Variants in EPHX2 observed in about 807,000 individuals in gnomAD.
EPHX2 encodes the protein bifunctional epoxide hydrolase 2.
Under a neutral mutation model 78.7 loss-of-function variants are expected in EPHX2, and 74 were observed. The ratio of observed to expected loss-of-function variants is 0.94; its 90% CI spans 0.78 to 1.14. The LOEUF is 1.14. Ranked by LOEUF, EPHX2 falls within the 50% of genes most tolerant of loss-of-function variation. The probability of loss-of-function intolerance (pLI) is 0.00; values close to 1 mark genes in which losing one functional copy is unlikely to be tolerated. For missense variants in EPHX2, 715 were observed against 702.5 expected (o/e 1.02, Z -0.20); for synonymous variants, 251 against 255.2 (o/e 0.98, Z 0.16).
intron 6 of EPHX2, among the ~76,000 whole-genome samples, chr8:27,512,572 C>G (rs72475825): frequency 0.013 from 2,036 of 152,332 alleles, 38 homozygotes; most frequent in African/African-American, 0.046. Flanking sequence ...CTGGCTGAGA[C>G]ATCTAACTTG....
chr8:27,499,137 A>G (rs1334067239), intron 1 of EPHX2, among the ~76,000 whole-genome samples: 7 of 152,148 alleles, frequency 4.6e-5, no homozygotes, highest in African/African-American at 1.7e-4. Flanking sequence ...CAATCCCATG[A>G]TAACCCATTA....
chr8:27,500,966 G>A lies in EPHX2; in HGVS notation c.142G>A (p.Gly48Ser). 6.2e-7 allele frequency: 1 copy of A among 1,613,390 alleles called. No individual in the cohort carries two copies. The change falls in exon 2 of 19, where the codon GGT becomes AGT. Residue 48 changes from glycine to serine, a missense_variant. By Grantham distance (56) the Gly-to-Ser change is moderately conservative. Coordinates refer to ENST00000521400, the MANE Select transcript of EPHX2 (RefSeq NM_001979.6). ...NDAFQKGGPE[G>S]ATTRLMKGEI... is the part of the protein sequence containing the mutation. Reference sequence around the variant, plus strand: ...TGCTTTCCAGAAAGGGGGACCAGAGGGTGCCACTACCCGGCTTATGAAAGG... The same window carrying A: ...TGCTTTCCAGAAAGGGGGACCAGAGAGTGCCACTACCCGGCTTATGAAAGG...
chr8:27,544,082 GC>G, intron 17 of EPHX2, 103 bp from the exon 18 acceptor site: 1 of 1,349,048 alleles, frequency 7.4e-7, no homozygotes. Flanking sequence ...GGGCAGGGTG[GC>G]CTGCGGGGAG....
intron 1 of EPHX2, among the ~76,000 whole-genome samples, chr8:27,500,316 A>C (rs1327310455): frequency 6.6e-6 from 1 of 152,166 alleles, no homozygotes; most frequent in South Asian, 2.1e-4. Context: ...ACCCTCCGCC[A>C]TGATTGTGAG....
chr8:27,525,089 T>TGG (rs1814778613), intron 11 of EPHX2, among the ~76,000 whole-genome samples: 3 of 146,674 alleles, frequency 2.0e-5, no homozygotes, highest in Non-Finnish European at 3.0e-5. Flanking sequence ...TGTGTGTGTG[T>TGG]GTGTGTGTGT....
In EPHX2 at chr8:27,543,741, C is replaced by T. The variant is rs1046907595; in HGVS notation, c.1450-8C>T. On this transcript the variant is annotated splice_polypyrimidine_tract_variant and splice_region_variant and intron_variant, in intron 16 of 18. Transcript: ENST00000521400. The stretch of plus-strand genomic sequence containing the variant: ...GCTGGCCACTTCTGTTTCCTGTTCT[C>T]CCCCCAGATCCTGATTCCGGCCCTG... 1.9e-5 allele frequency: 30 copies of T among 1,613,220 alleles called. No individual in the cohort carries two copies. The East Asian group carries it at 6.7e-4, about 36-fold the overall frequency.
At chr8:27,521,582 G>C (rs1052812768) in intron 10 of EPHX2, among the ~76,000 whole-genome samples, 22 of 152,214 alleles carry the variant, frequency 1.4e-4, no homozygotes, top group African/African-American at 4.8e-4. Context: ...AGGGCGCTGT[G>C]CCTGACACGG....
chr8:27,543,950 C>A, intron 17 of EPHX2, 121 bp downstream of exon 17: 2 of 1,098,318 alleles, frequency 1.8e-6, no homozygotes, highest in Non-Finnish European at 1.3e-6. Context: ...GGTTGAAGCA[C>A]ATCATCAGTA....
intron 10 of EPHX2, among the ~76,000 whole-genome samples, chr8:27,521,781 T>C (rs568476913): frequency 6.6e-6 from 1 of 152,364 alleles, no homozygotes; most frequent in South Asian, 2.1e-4. Context: ...AGAGTGACTC[T>C]GCGGTTGCTG....
intron 17 of EPHX2, 46 bp from the exon 18 acceptor site, chr8:27,544,140 C>A (rs1158063794): frequency 6.2e-7 from 1 of 1,606,430 alleles, no homozygotes; most frequent in Non-Finnish European, 8.5e-7. Flanking sequence ...GAGACACACC[C>A]ATCTGCCTTC....
chr8:27,491,677 A>G (rs1813385185), intron 1 of EPHX2, among the ~76,000 whole-genome samples: 1 of 152,172 alleles, frequency 6.6e-6, no homozygotes, highest in Non-Finnish European at 1.5e-5. Flanking sequence ...TTGCATGCTT[A>G]CTTGTGTAAT....
At chr8:27,505,672 C>A (rs1488468394) in intron 4 of EPHX2, among the ~76,000 whole-genome samples, 3 of 152,192 alleles carry the variant, frequency 2.0e-5, no homozygotes, top group African/African-American at 7.2e-5. Flanking sequence ...TTCCAACCCC[C>A]CACCTCCCCA....
In EPHX2 at chr8:27,544,604, T is replaced by TA; in HGVS notation, c.*83dup. ...CATTCTTAGTATACAGAGGTGGCCTTACACACATCTTGCATGGATGGCAGC... is the reference window on the plus strand; with the variant it reads ...CATTCTTAGTATACAGAGGTGGCCTTAACACACATCTTGCATGGATGGCAGC... On this transcript the variant is annotated 3_prime_UTR_variant, in exon 19 of 19. Coordinates refer to ENST00000521400, the MANE Select transcript of EPHX2 (RefSeq NM_001979.6). 1.4e-6 allele frequency: 2 copies of TA among 1,415,404 alleles called. No homozygotes were observed. Among genetic ancestry groups the TA allele is most frequent in the Admixed American group, 1.7e-5 (1 of 59,376 alleles). The allele number at this position is 1,415,404 out of a possible 1,614,324, so 87.7% of individuals were successfully genotyped here. A position where few individuals can be genotyped will look rare whatever the true frequency, so the allele number is the denominator to read the frequency against.
At chr8:27,534,677 C>A (rs1000344552) in intron 12 of EPHX2, among the ~76,000 whole-genome samples, 2 of 152,146 alleles carry the variant, frequency 1.3e-5, no homozygotes, top group Non-Finnish European at 2.9e-5. Flanking sequence ...AACCTCTCAA[C>A]GTGTGCAAGC....
At chr8:27,525,917 C>T (rs908976102) in intron 12 of EPHX2, among the ~76,000 whole-genome samples, 1 of 152,164 alleles carries the variant, frequency 6.6e-6, no homozygotes, top group Non-Finnish European at 1.5e-5. Context: ...TTCAAAGATG[C>T]CCCCAGATGT....
At chr8:27,493,264 G>T (rs1182546332) in intron 1 of EPHX2, 2 of 152,762 alleles carry the variant, frequency 1.3e-5, no homozygotes, top group African/African-American at 2.4e-5. Context: ...GGTGTTGTCT[G>T]GTTTCAGAAG....
At chr8:27,504,712 G>A (rs140093278) in intron 3 of EPHX2, among the ~76,000 whole-genome samples, 174 of 152,250 alleles carry the variant, frequency 1.1e-3, no homozygotes, top group African/African-American at 4.1e-3. Context: ...GAGGAAGGAG[G>A]GTAGTTTCTC....
chr8:27,515,615 C>A (rs2132744567), intron 6 of EPHX2, 103 bp from the exon 7 acceptor site: 1 of 924,398 alleles, frequency 1.1e-6, no homozygotes, highest in Non-Finnish European at 1.7e-6. Flanking sequence ...ATGCACAATC[C>A]AGCAACGGAC....
intron 9 of EPHX2, among the ~76,000 whole-genome samples, chr8:27,519,381 G>C (rs938021977): frequency 4.6e-5 from 7 of 152,230 alleles, no homozygotes; most frequent in Admixed American, 3.3e-4. Flanking sequence ...AGGACAGTGG[G>C]TGGTGGGGGC....
Sources: allele counts gnomAD v4.1 joint callset (sites outside exome capture counted in the v4.1 genomes callset), GRCh38; gene constraint gnomAD v4.1.1; transcripts MANE v1.5; gene names NCBI Gene and HGNC (gene_info 2026-07-23, HGNC 2026-07-21).